Variants in AK4 observed in about 807,000 individuals in gnomAD.
AK4 encodes the protein adenylate kinase 4, mitochondrial.
A neutral mutation model predicts 24.6 loss-of-function variants in AK4; 13 were observed. The ratio of observed to expected loss-of-function variants is 0.53; its 90% CI spans 0.34 to 0.84. AK4 has a LOEUF of 0.84. Ranked by LOEUF, AK4 falls within the 40% of genes least tolerant of loss-of-function variation. The pLI is 0.01. For synonymous variants in AK4, 88 were observed against 107.0 expected (o/e 0.82, Z 1.10); for missense variants, 192 against 288.2 (o/e 0.67, Z 2.42).
intron 1 of AK4, among the ~76,000 whole-genome samples, chr1:65,166,906 C>T (rs1448577713): frequency 3.3e-5 from 5 of 152,152 alleles, no homozygotes; most frequent in East Asian, 1.9e-4. Flanking sequence ...CCAAGGCGGG[C>T]GGATCACTTG....
chr1:65,177,462 G>A (rs773134422), intron 1 of AK4, among the ~76,000 whole-genome samples: 1 of 152,220 alleles, frequency 6.6e-6, no homozygotes, highest in Non-Finnish European at 1.5e-5. Flanking sequence ...ACCCAGAGGA[G>A]ATGGCACAAA....
chr1:65,149,384 C>CA (rs1001865009), intron 1 of AK4, among the ~76,000 whole-genome samples: 1 of 152,178 alleles, frequency 6.6e-6, no homozygotes, highest in African/African-American at 2.4e-5. Flanking sequence ...CCTCTCCTCC[C>CA]ACTCCACGTT....
At chr1:65,160,924 C>T (rs1650138303) in intron 1 of AK4, among the ~76,000 whole-genome samples, 1 of 152,056 alleles carries the variant, frequency 6.6e-6, no homozygotes, top group Admixed American at 6.6e-5. Context: ...CTTAAAGGCC[C>T]CACCTCTTAA....
In AK4 at chr1:65,172,428, C is replaced by T. The variant is rs139039341; in HGVS notation, c.146-18282C>T. On this transcript the variant is annotated intron_variant, in intron 1 of 4. Transcript: ENST00000327299. The stretch of plus-strand genomic sequence containing the variant: ...GCTTTGTTTTCCTCCTTTTATTTGG[C>T]GGTGGAGAAAGTGTGACAATTTTAA... Among the ~76,000 whole-genome samples the T allele has an allele frequency of 6.4e-3, 969 of 151,858 alleles. 8 individuals carry two copies. Among genetic ancestry groups the T allele is most frequent in the African/African-American group, 0.018 (729 of 41,402 alleles).
At chr1:65,160,068 C>T (rs912957812) in intron 1 of AK4, among the ~76,000 whole-genome samples, 1 of 151,566 alleles carries the variant, frequency 6.6e-6, no homozygotes, top group South Asian at 2.1e-4. Flanking sequence ...GAGAAACTAG[C>T]GTTCAAACCT....
chr1:65,197,717 T>C (rs150348794), intron 2 of AK4, among the ~76,000 whole-genome samples: 2 of 152,356 alleles, frequency 1.3e-5, no homozygotes, highest in Non-Finnish European at 2.9e-5. Context: ...AACTAAACTA[T>C]AGATGCTGGA....
intron 1 of AK4, among the ~76,000 whole-genome samples, chr1:65,150,360 G>A (rs1649730896): frequency 1.3e-5 from 2 of 148,478 alleles, no homozygotes. Context: ...TTCCTCCCCA[G>A]TGATCCTCCC....
intron 1 of AK4, among the ~76,000 whole-genome samples, chr1:65,174,029 C>T (rs1650629812): frequency 6.6e-6 from 1 of 152,188 alleles, no homozygotes; most frequent in South Asian, 2.1e-4. Context: ...TGCCCCTCCC[C>T]TGGCTTAGGT....
intron 2 of AK4, among the ~76,000 whole-genome samples, chr1:65,215,600 T>G (rs1652107054): frequency 6.6e-6 from 1 of 152,242 alleles, no homozygotes; most frequent in African/African-American, 2.4e-5. Flanking sequence ...CTGTTGCTTG[T>G]AGTCTAAATC....
Position 65,218,835 on chromosome 1 carries a change from T to G in AK4, c.347T>G (p.Phe116Cys). The change falls in exon 3 of 5, where the codon TTT becomes TGT. Residue 116 changes from phenylalanine (F) to cysteine (C), a missense_variant. Coordinates refer to ENST00000327299, the MANE Select transcript of AK4 (RefSeq NM_013410.4). ...VDLVISLNIP[F>C]ETLKDRLSRR... is the part of the protein sequence containing the mutation. Reference sequence around the variant, plus strand: ...CTAGTGATCAGTTTGAATATTCCATTTGAAACACTTAAAGATCGTCTCAGC... The same window carrying G: ...CTAGTGATCAGTTTGAATATTCCATGTGAAACACTTAAAGATCGTCTCAGC... 1 of 1,607,992 alleles carries G rather than the reference T, an allele frequency of 6.2e-7. No homozygotes were observed. The highest frequency in any genetic ancestry group is 8.5e-7 in the Non-Finnish European group (1 of 1,177,328).
chr1:65,159,971 A>AAG (rs1354271916), intron 1 of AK4, among the ~76,000 whole-genome samples: 1 of 146,796 alleles, frequency 6.8e-6, no homozygotes, highest in African/African-American at 2.5e-5. Context: ...TATGTCTCCA[A>AAG]AAAAAAAAAA....
At chr1:65,168,576 G>C (rs1190210138) in intron 1 of AK4, among the ~76,000 whole-genome samples, 4 of 152,170 alleles carry the variant, frequency 2.6e-5, no homozygotes, top group African/African-American at 7.2e-5. Flanking sequence ...ATAGGCATGA[G>C]CCACCACATC....
chr1:65,181,583 C>T (rs972206402), intron 1 of AK4, among the ~76,000 whole-genome samples: 1 of 152,004 alleles, frequency 6.6e-6, no homozygotes, highest in Admixed American at 6.5e-5. Context: ...GACGGGGATT[C>T]GCCATTGTTG....
intron 2 of AK4, among the ~76,000 whole-genome samples, chr1:65,210,376 C>T (rs1371013911): frequency 1.3e-5 from 2 of 152,166 alleles, no homozygotes; most frequent in Non-Finnish European, 2.9e-5. Context: ...TCCTCCTGTT[C>T]TCCTTTCTTT....
chr1:65,151,671 T>C (rs1254133719), intron 1 of AK4, among the ~76,000 whole-genome samples: 1 of 152,158 alleles, frequency 6.6e-6, no homozygotes, highest in Non-Finnish European at 1.5e-5. Flanking sequence ...AAGGCCTGGG[T>C]CACAAATTCT....
rs1406734737 is a variant in AK4 at position 65,230,052 on chromosome 1, C to G, written c.*3875C>G. The G allele has an allele frequency of 6.6e-6, 1 of 152,248 alleles. No individual in the cohort carries two copies. The highest frequency in any genetic ancestry group is 1.5e-5 in the Non-Finnish European group (1 of 68,072). 9.4% of individuals were successfully genotyped at this position (152,248 alleles called of 1,614,324 possible). ...ATTAACATGACTCTGAATGCCAGAT[C>G]CAAACCTTTGCCCACCATCTGCTTG... On this transcript the variant is annotated 3_prime_UTR_variant, in exon 5 of 5. Transcript: ENST00000327299.
chr1:65,217,483 C>T (rs1443899208), intron 2 of AK4, among the ~76,000 whole-genome samples: 1 of 152,160 alleles, frequency 6.6e-6, no homozygotes, highest in Non-Finnish European at 1.5e-5. Context: ...TCTTCATCTA[C>T]CTGGTTCTTT....
At chr1:65,178,942 A>G (rs1650811807) in intron 1 of AK4, among the ~76,000 whole-genome samples, 1 of 152,312 alleles carries the variant, frequency 6.6e-6, no homozygotes, top group African/African-American at 2.4e-5. Context: ...ATGCCATCCT[A>G]CAAGCCAAGG....
intron 2 of AK4, among the ~76,000 whole-genome samples, chr1:65,193,758 A>G (rs1312770879): frequency 1.1e-4 from 17 of 152,206 alleles, no homozygotes; most frequent in Non-Finnish European, 2.4e-4. Flanking sequence ...CAAATACTGT[A>G]TGCATTTGGT....
Sources: allele counts gnomAD v4.1 joint callset (sites outside exome capture counted in the v4.1 genomes callset), GRCh38; gene constraint gnomAD v4.1.1; transcripts MANE v1.5; gene names NCBI Gene and HGNC (gene_info 2026-07-23, HGNC 2026-07-21).